Variants in IL1RAPL2 observed in about 807,000 individuals in gnomAD.
IL1RAPL2 encodes X-linked interleukin-1 receptor accessory protein-like 2.
Under a neutral mutation model 44.1 loss-of-function variants are expected in IL1RAPL2, and 3 were observed. That is an observed-to-expected ratio of 0.07 (90% CI 0.03 to 0.18). IL1RAPL2 has a LOEUF of 0.18. Among genes scored for constraint, IL1RAPL2 ranks in the 10% least tolerant of loss-of-function variants. IL1RAPL2 has a pLI of 1.00. For missense variants in IL1RAPL2, 391 were observed against 496.4 expected (o/e 0.79, Z 2.02); for synonymous variants, 181 against 178.8 (o/e 1.01, Z -0.10).
At chrX:104,841,255 C>A (rs773926370) in intron 2 of IL1RAPL2, among the ~76,000 whole-genome samples, 2 of 111,645 alleles carry the variant, frequency 1.8e-5, no homozygotes, top group Non-Finnish European at 3.8e-5. Flanking sequence ...TATTCCCCCA[C>A]CCCTTTATTT....
chrX:104,860,135 A>T (rs1287854020), intron 2 of IL1RAPL2, among the ~76,000 whole-genome samples: 1 of 111,809 alleles, frequency 8.9e-6, no homozygotes, highest in Non-Finnish European at 1.9e-5. Flanking sequence ...GGCTGTCAGG[A>T]CCAAGGACTG....
rs759782045 is a variant in IL1RAPL2 at position 105,490,014 on chromosome X, C to T, written c.772+5627C>T. Among the ~76,000 whole-genome samples the T allele has an allele frequency of 1.7e-4, 19 of 109,435 alleles. 1 individual carries two copies. Among genetic ancestry groups the T allele is most frequent in the Non-Finnish European group, 9.5e-5 (5 of 52,640 alleles). On this transcript the variant is annotated intron_variant, in intron 6 of 10. Transcript: ENST00000372582. ...AGATAATTTTTGTATTTTTAGTAGA[C>T]ATTGGGTTTCGCTGTGTTGGCCAGG...
At chrX:105,446,704 C>T (rs1461336243) in intron 5 of IL1RAPL2, among the ~76,000 whole-genome samples, 1 of 110,074 alleles carries the variant, frequency 9.1e-6, no homozygotes, top group African/African-American at 3.3e-5. Flanking sequence ...CACACTTTAA[C>T]TTTGTCTCTC....
At position 105,291,501 on chromosome X, in the gene IL1RAPL2, GTTAAGAA is replaced by G. The variant is rs1206319496; in HGVS notation, c.697+23964_697+23970del. 9.0e-5 allele frequency among the ~76,000 whole-genome samples: 10 copies of G among 111,513 alleles called. No individual in the cohort carries two copies. In the Admixed American group the frequency reaches 9.6e-4, roughly 11 times the overall value. On this transcript the variant is annotated intron_variant, in intron 5 of 10. Coordinates refer to ENST00000372582, the MANE Select transcript of IL1RAPL2 (RefSeq NM_017416.2). Reference sequence around the variant, plus strand: ...GTTCAGAGTTAAGTTTTTTTGTTTTGTTAAGAATTATTGATGAAGTCACTTAGCTTTA... The same window carrying G: ...GTTCAGAGTTAAGTTTTTTTGTTTTGTTATTGATGAAGTCACTTAGCTTTA...
chrX:105,010,257 A>G (rs1356774191), intron 2 of IL1RAPL2, among the ~76,000 whole-genome samples: 1 of 111,256 alleles, frequency 9.0e-6, no homozygotes, highest in African/African-American at 3.3e-5. Context: ...GCACCTTGGT[A>G]ATGTGCACAT....
At chrX:105,702,286 CA>C (rs770222550) in intron 6 of IL1RAPL2, among the ~76,000 whole-genome samples, 27 of 111,312 alleles carry the variant, frequency 2.4e-4, no homozygotes, top group Non-Finnish European at 4.5e-4. Flanking sequence ...CTTTCTTCTC[CA>C]GAAAAAGGAA....
At chrX:105,552,667 C>T (rs1394707983) in intron 6 of IL1RAPL2, among the ~76,000 whole-genome samples, 1 of 111,836 alleles carries the variant, frequency 8.9e-6, no homozygotes, top group East Asian at 2.8e-4. Context: ...TCTTGGAACC[C>T]ATATGCTGAA....
At chrX:105,373,498 C>A (rs1367404856) in intron 5 of IL1RAPL2, among the ~76,000 whole-genome samples, 1 of 111,894 alleles carries the variant, frequency 8.9e-6, no homozygotes, top group Non-Finnish European at 1.9e-5. Flanking sequence ...GTTTCTTTCA[C>A]TGTGAAGAAG....
chrX:104,636,768 A>G (rs1929818499), intron 1 of IL1RAPL2, among the ~76,000 whole-genome samples: 1 of 112,270 alleles, frequency 8.9e-6, no homozygotes, highest in Non-Finnish European at 1.9e-5. Context: ...AGGAAAGGGA[A>G]TTCACTGACC....
chrX:105,363,391 T>C (rs2035268992), intron 5 of IL1RAPL2, among the ~76,000 whole-genome samples: 1 of 99,811 alleles, frequency 1.0e-5, no homozygotes, highest in Admixed American at 1.1e-4. Context: ...TTATAAATAA[T>C]GCAGCAATGA....
intron 2 of IL1RAPL2, among the ~76,000 whole-genome samples, chrX:104,898,022 T>C (rs919497212): frequency 8.9e-6 from 1 of 111,999 alleles, no homozygotes. Flanking sequence ...ATCTTAAGTG[T>C]TGAATATAAG....
intron 6 of IL1RAPL2, among the ~76,000 whole-genome samples, chrX:105,706,670 G>C (rs759656403): frequency 9.0e-6 from 1 of 111,353 alleles, no homozygotes; most frequent in Non-Finnish European, 1.9e-5. Flanking sequence ...GAGGATACAA[G>C]AGAACCTCAC....
chrX:105,133,982 C>G (rs964795641), intron 2 of IL1RAPL2, among the ~76,000 whole-genome samples: 2 of 111,555 alleles, frequency 1.8e-5, no homozygotes, highest in Admixed American at 9.5e-5. Context: ...ATTTTCTTAT[C>G]AGAAAATAAG....
intron 4 of IL1RAPL2, among the ~76,000 whole-genome samples, chrX:105,265,993 T>C (rs1462935527): frequency 9.0e-6 from 1 of 111,212 alleles, no homozygotes; most frequent in Non-Finnish European, 1.9e-5. Flanking sequence ...ATCATCTACC[T>C]CAAAATCAAT....
chrX:105,104,241 G>C (rs1047390794), intron 2 of IL1RAPL2, among the ~76,000 whole-genome samples: 3 of 111,220 alleles, frequency 2.7e-5, no homozygotes, highest in Non-Finnish European at 5.7e-5. Flanking sequence ...TCTCCACCAA[G>C]AGGGGTAAAT....
chrX:105,087,108 G>T lies in IL1RAPL2; in HGVS notation c.83-108367G>T, dbSNP rs985347951. Among the ~76,000 whole-genome samples the T allele has an allele frequency of 6.7e-4, 75 of 111,357 alleles. 1 individual carries two copies. Among genetic ancestry groups the T allele is most frequent in the Non-Finnish European group, 1.3e-4 (7 of 52,948 alleles). ...ATATAGCTCCAGAAAGTACCCCCCT[G>T]AGTTTAAGCATGTGGGAAATCATGT... is the stretch of plus-strand genomic sequence containing the variant. On this transcript the variant is annotated intron_variant, in intron 2 of 10. Coordinates refer to ENST00000372582, the MANE Select transcript of IL1RAPL2 (RefSeq NM_017416.2).
At chrX:104,850,228 T>A (rs1000471559) in intron 2 of IL1RAPL2, among the ~76,000 whole-genome samples, 2 of 111,110 alleles carry the variant, frequency 1.8e-5, no homozygotes, top group African/African-American at 6.5e-5. Flanking sequence ...AAAAAACCTC[T>A]TTTTATTTTT....
intron 5 of IL1RAPL2, among the ~76,000 whole-genome samples, chrX:105,475,144 C>T (rs1169869895): frequency 8.9e-6 from 1 of 111,787 alleles, no homozygotes; most frequent in Non-Finnish European, 1.9e-5. Context: ...CCTGCTTAAT[C>T]AATGTTAGCC....
At chrX:105,356,616 C>A (rs2035205369) in intron 5 of IL1RAPL2, among the ~76,000 whole-genome samples, 1 of 111,369 alleles carries the variant, frequency 9.0e-6, no homozygotes, top group African/African-American at 3.3e-5. Flanking sequence ...TGGCTCACTC[C>A]TCTTACTTAG....
Sources: gnomAD v4.1 joint callset for allele counts (sites outside exome capture counted in the v4.1 genomes callset) on GRCh38, gnomAD v4.1.1 for gene constraint, MANE v1.5 for transcripts, NCBI Gene and HGNC (gene_info 2026-07-23, HGNC 2026-07-21) for gene names.